POLR2B: variants seen among roughly 807,000 people sequenced by gnomAD.
The protein encoded by POLR2B is RNA polymerase II subunit B.
POLR2B carries 57 observed loss-of-function variants against 144.6 expected under a neutral mutation model. The observed-to-expected ratio is 0.39, with a 90% CI of 0.32 to 0.49. The LOEUF (loss-of-function observed/expected upper bound fraction) is 0.49. POLR2B is among the 20% of genes least tolerant of loss of function. The pLI is 0.83. For synonymous variants in POLR2B, 442 were observed against 469.8 expected (o/e 0.94, Z 0.77); for missense variants, 595 against 1,467.4 (o/e 0.41, Z 9.71).
chr4:57,013,807 C>T (rs370826868), intron 13 of POLR2B, among the ~76,000 whole-genome samples: 2 of 151,920 alleles, frequency 1.3e-5, no homozygotes, highest in East Asian at 1.9e-4. Flanking sequence ...ACAAAAACAG[C>T]TGGTGGGTGA....
chr4:57,025,539 TA>T lies in POLR2B; in HGVS notation c.3239+4del. On this transcript the variant is annotated splice_donor_region_variant and intron_variant, in intron 23 of 24. Transcript: ENST00000314595. Reference sequence around the variant, plus strand: ...ACAGCCCATGGAGGGTAGATCTCGGTAAGAACTGTATCATCATCATTATTAT... The same window carrying T: ...ACAGCCCATGGAGGGTAGATCTCGGTAGAACTGTATCATCATCATTATTAT... The T allele has an allele frequency of 6.4e-7, 1 of 1,565,856 alleles. No homozygotes were observed. The highest frequency in any genetic ancestry group is 8.8e-7 in the Non-Finnish European group (1 of 1,139,090).
At chr4:56,999,876 AAGAGTAATTT>A in intron 7 of POLR2B, 95 bp downstream of exon 7, 1 of 838,850 alleles carries the variant, frequency 1.2e-6, no homozygotes, top group South Asian at 1.9e-5. Context: ...AGCTGTTCTG[AAGAGTAATTT>A]AGCTGTCACA....
rs2109683061 is a variant in POLR2B, at chr4:57,005,819, T to C, written c.1217+100T>C. On this transcript the variant is annotated intron_variant, in intron 9 of 24. Coordinates refer to ENST00000314595, the MANE Select transcript of POLR2B (RefSeq NM_000938.3). ...GGCTAAACTGTGTTGGCATCCACGT[T>C]GGGTACTTATGAAATTAGCTACATT... is the stretch of plus-strand genomic sequence containing the variant. 1.2e-5 allele frequency: 13 copies of C among 1,052,568 alleles called. No individual in the cohort carries two copies. The South Asian group carries it at 2.3e-4, about 18-fold the overall frequency. 65.2% of individuals were successfully genotyped at this position (1,052,568 alleles called of 1,614,324 possible).
At chr4:56,992,451 C>T (rs1439629796) in intron 3 of POLR2B, among the ~76,000 whole-genome samples, 4 of 85,606 alleles carry the variant, frequency 4.7e-5, no homozygotes, top group Admixed American at 2.1e-4. Flanking sequence ...GGCGAGAGGT[C>T]GAGACTCTGT....
rs1261593194 is a variant in POLR2B at position 57,017,366 on chromosome 4, A to G, written c.2154+125A>G. 3.7e-6 allele frequency: 3 copies of G among 801,908 alleles called. No individual in the cohort carries two copies. In the African/African-American group the frequency reaches 5.2e-5, roughly 14 times the overall value. The allele number at this position is 801,908 out of a possible 1,614,324, so 49.7% of individuals were successfully genotyped here. On this transcript the variant is annotated intron_variant, in intron 15 of 24. Coordinates refer to ENST00000314595, the MANE Select transcript of POLR2B (RefSeq NM_000938.3). This position sits in a 1 kb window ranked among gnomAD's most constrained non-coding sequence, Gnocchi z 4.8. ...TGAAAAGGCTATTAACTCCTACGGA[A>G]TCAGTATTTGATATAATTGCTGTTG... is the stretch of plus-strand genomic sequence containing the variant.
intron 13 of POLR2B, among the ~76,000 whole-genome samples, chr4:57,014,718 A>G (rs1723311809): frequency 7.0e-6 from 1 of 142,386 alleles, no homozygotes; most frequent in Non-Finnish European, 1.5e-5. Flanking sequence ...GTTAGCTAGG[A>G]TGGTCTCGAT....
intron 3 of POLR2B, among the ~76,000 whole-genome samples, chr4:56,992,292 G>A (rs114513553): frequency 0.076 from 11,527 of 150,914 alleles, 496 homozygotes; most frequent in African/African-American, 0.093. Context: ...GTGAAACCCC[G>A]TCTCTACTAG....
chr4:56,999,858 T>C lies in POLR2B; in HGVS notation c.900+77T>C. 7 of 1,021,418 alleles carry C rather than the reference T, an allele frequency of 6.9e-6. 1 individual carries two copies. Among genetic ancestry groups the C allele is most frequent in the East Asian group, 4.9e-5 (2 of 40,858 alleles). The allele number at this position is 1,021,418 out of a possible 1,614,324, so 63.3% of individuals were successfully genotyped here. ...ACTGATTGTTGCTAACCTTAAAACA[T>C]AGTAGAAAGCTGTTCTGAAGAGTAA... is the stretch of plus-strand genomic sequence containing the variant. On this transcript the variant is annotated intron_variant, in intron 7 of 24. Transcript: ENST00000314595.
intron 5 of POLR2B, 80 bp downstream of exon 5, chr4:56,994,946 A>G: frequency 5.1e-5 from 43 of 841,554 alleles, no homozygotes; most frequent in Admixed American, 8.4e-5. Flanking sequence ...AAAAAAAAAA[A>G]GAAAGAAAGA....
intron 23 of POLR2B, 41 bp from the exon 24 acceptor site, chr4:57,030,163 T>TA (rs761397834): frequency 1.7e-5 from 26 of 1,505,620 alleles, no homozygotes; most frequent in Middle Eastern, 1.7e-4. Context: ...GTGTTTATAA[T>TA]AAAAAATAAG....
chr4:57,020,137 G>A (rs952458964), intron 16 of POLR2B, among the ~76,000 whole-genome samples: 4 of 152,106 alleles, frequency 2.6e-5, no homozygotes, highest in African/African-American at 7.2e-5. Flanking sequence ...GGGTTTAAGC[G>A]ATTCTTCTGT....
intron 17 of POLR2B, among the ~76,000 whole-genome samples, chr4:57,021,801 A>G (rs369297448): frequency 6.5e-4 from 99 of 152,268 alleles, no homozygotes; most frequent in Admixed American, 1.4e-3. Context: ...TGCTCAGCCA[A>G]TGTTAAAACT....
At chr4:56,979,697 G>A (rs1205952159) in intron 1 of POLR2B, among the ~76,000 whole-genome samples, 1 of 152,072 alleles carries the variant, frequency 6.6e-6, no homozygotes, top group East Asian at 1.9e-4. Flanking sequence ...CAGATCGCTT[G>A]AGACCAACCT....
At chr4:56,981,101 C>T (rs1053212874) in intron 1 of POLR2B, among the ~76,000 whole-genome samples, 1 of 152,082 alleles carries the variant, frequency 6.6e-6, no homozygotes, top group Non-Finnish European at 1.5e-5. Context: ...CCAAGCCCAG[C>T]CTCCACAGTT....
chr4:57,029,051 A>G (rs573708416), intron 23 of POLR2B, among the ~76,000 whole-genome samples: 2 of 152,188 alleles, frequency 1.3e-5, no homozygotes, highest in African/African-American at 2.4e-5. Flanking sequence ...TTGCATCCCA[A>G]ATGCTGTGCA....
intron 5 of POLR2B, 88 bp downstream of exon 5, chr4:56,994,954 A>T (rs1293222589): frequency 5.0e-6 from 4 of 794,154 alleles, no homozygotes; most frequent in Non-Finnish European, 7.8e-6. Flanking sequence ...AAAGAAAGAA[A>T]GATTTTCCTG....
intron 6 of POLR2B, among the ~76,000 whole-genome samples, chr4:56,996,349 C>T (rs1234555698): frequency 2.1e-5 from 3 of 141,320 alleles, no homozygotes; most frequent in South Asian, 2.4e-4. Flanking sequence ...GGCATGATCT[C>T]GGCTCAGTGC....
At position 57,031,112 on chromosome 4, in the gene POLR2B, T is replaced by G; in HGVS notation, c.*124T>G. 4 of 726,694 alleles carry G rather than the reference T, an allele frequency of 5.5e-6. No individual in the cohort carries two copies. Among genetic ancestry groups the G allele is most frequent in the Non-Finnish European group, 9.5e-6 (4 of 419,262 alleles). 45.0% of individuals were successfully genotyped at this position (726,694 alleles called of 1,614,324 possible). A position where few individuals can be genotyped will look rare whatever the true frequency, so the allele number is the denominator to read the frequency against. ...AAAGTATTTTATTTGTTTAATGATA[T>G]GCATGCTTTTCTTCTGTAAATATAT... On this transcript the variant is annotated 3_prime_UTR_variant, in exon 25 of 25. Coordinates refer to ENST00000314595, the MANE Select transcript of POLR2B (RefSeq NM_000938.3).
Position 57,017,451 on chromosome 4 carries a change from A to G in POLR2B, c.2155-109A>G. ...AAATGGTTATTACTTACTGTTTTTGAAAAAAATCAGGAGTTTTACCAATCA... is the reference window on the plus strand; with the variant it reads ...AAATGGTTATTACTTACTGTTTTTGGAAAAAATCAGGAGTTTTACCAATCA... On this transcript the variant is annotated intron_variant, in intron 15 of 24. Transcript: ENST00000314595. The surrounding 1 kb of genome is among the most constrained non-coding windows in gnomAD (Gnocchi z 4.8). 1.0e-6 allele frequency: 1 copy of G among 1,001,972 alleles called. No homozygotes were observed. Among genetic ancestry groups the G allele is most frequent in the Non-Finnish European group, 1.5e-6 (1 of 686,728 alleles). 62.1% of individuals were successfully genotyped at this position (1,001,972 alleles called of 1,614,324 possible).
Sources: allele counts gnomAD v4.1 joint callset (sites outside exome capture counted in the v4.1 genomes callset), GRCh38; gene constraint gnomAD v4.1.1; non-coding constraint Gnocchi (gnomAD v3.1); transcripts MANE v1.5; gene names NCBI Gene and HGNC (gene_info 2026-07-23, HGNC 2026-07-21).